The following PEX7 variants were observed in gnomAD, a reference collection of about 807,000 sequenced individuals.
PEX7 encodes the protein peroxisomal biogenesis factor 7, also known as PTS2 receptor.
Under a neutral mutation model 47.5 loss-of-function variants are expected in PEX7, and 34 were observed. That is an observed-to-expected ratio of 0.72 (90% CI 0.54 to 0.95). The LOEUF (loss-of-function observed/expected upper bound fraction) is 0.95, where lower values mean the gene tolerates loss of function less well. Ranked by LOEUF, PEX7 falls within the 40% of genes least tolerant of loss-of-function variation. The pLI is 0.00. For synonymous variants in PEX7, 141 were observed against 148.8 expected (o/e 0.95, Z 0.38); for missense variants, 394 against 400.3 (o/e 0.98, Z 0.13).
intron 8 of PEX7, among the ~76,000 whole-genome samples, chr6:136,879,463 C>G (rs1166641403): frequency 1.3e-5 from 2 of 152,040 alleles, no homozygotes; most frequent in Non-Finnish European, 2.9e-5. Flanking sequence ...ATCTTGCTTT[C>G]TATGTCGTTT....
rs574022111 is a variant in PEX7, at chr6:136,859,739, C to T, written c.527-6888C>T. Among the ~76,000 whole-genome samples, 160 of 152,164 alleles carry T rather than the reference C, an allele frequency of 1.1e-3. 1 individual carries two copies. Among genetic ancestry groups the T allele is most frequent in the Non-Finnish European group, 2.2e-4 (15 of 67,976 alleles). On this transcript the variant is annotated intron_variant, in intron 5 of 9. Transcript: ENST00000318471. Reference sequence around the variant, plus strand: ...TATTGTACATTTAAATTCACTGGTTCTGGCCAGGCACAGTGGCTCACATCT... The same window carrying T: ...TATTGTACATTTAAATTCACTGGTTTTGGCCAGGCACAGTGGCTCACATCT...
intron 8 of PEX7, among the ~76,000 whole-genome samples, chr6:136,887,591 T>C (rs1342314277): frequency 1.3e-5 from 2 of 152,010 alleles, no homozygotes; most frequent in Admixed American, 6.6e-5. Flanking sequence ...AGCAAAAATA[T>C]TCCTTCATAT....
chr6:136,844,772 C>T (rs1440323957), intron 3 of PEX7, among the ~76,000 whole-genome samples: 2 of 152,078 alleles, frequency 1.3e-5, no homozygotes, highest in African/African-American at 4.8e-5. Flanking sequence ...TTTCCTCAGC[C>T]TCCAACATGG....
At chr6:136,866,776 G>A in intron 6 of PEX7, 43 bp downstream of exon 6, 1 of 1,501,730 alleles carries the variant, frequency 6.7e-7, no homozygotes, top group Non-Finnish European at 9.3e-7. Context: ...CCTTCCTAAT[G>A]TTAAAATGTT....
chr6:136,859,839 A>G (rs1404281491), intron 5 of PEX7, among the ~76,000 whole-genome samples: 3 of 152,076 alleles, frequency 2.0e-5, no homozygotes. Context: ...CCTGACCAAC[A>G]TGGTGAGACC....
chr6:136,909,407 A>G (rs1168828363), intron 9 of PEX7, among the ~76,000 whole-genome samples: 1 of 152,164 alleles, frequency 6.6e-6, no homozygotes, highest in Non-Finnish European at 1.5e-5. Flanking sequence ...GCTTTTTATT[A>G]TGTGAGGGGC....
intron 3 of PEX7, 142 bp from the exon 4 acceptor site, chr6:136,845,473 C>T: frequency 2.8e-6 from 2 of 703,702 alleles, no homozygotes; most frequent in Non-Finnish European, 5.3e-6. Context: ...TCTCAGACAC[C>T]TTGTTGAGAT....
intron 5 of PEX7, among the ~76,000 whole-genome samples, chr6:136,850,975 T>C (rs1410384401): frequency 1.6e-5 from 2 of 125,570 alleles, no homozygotes; most frequent in African/African-American, 3.3e-5. Context: ...CTGTCTTTTT[T>C]TTTTATTTTT....
At chr6:136,864,133 A>G (rs1355929673) in intron 5 of PEX7, among the ~76,000 whole-genome samples, 7 of 152,104 alleles carry the variant, frequency 4.6e-5, no homozygotes, top group African/African-American at 1.4e-4. Context: ...GTATAGTACT[A>G]TACAATTACT....
intron 8 of PEX7, among the ~76,000 whole-genome samples, chr6:136,897,902 A>G (rs940899199): frequency 4.6e-5 from 7 of 152,028 alleles, no homozygotes; most frequent in Non-Finnish European, 8.8e-5. Flanking sequence ...TAATGGGAGT[A>G]GAATAATCTT....
Position 136,874,951 on chromosome 6 carries a change from C to A in PEX7, c.803+2698C>A, listed in dbSNP as rs565538855. Among the ~76,000 whole-genome samples, 61 of 152,036 alleles carry A rather than the reference C, an allele frequency of 4.0e-4. 1 individual carries two copies. In the South Asian group the frequency reaches 0.012, roughly 30 times the overall value. On this transcript the variant is annotated intron_variant, in intron 8 of 9. Coordinates refer to ENST00000318471, the MANE Select transcript of PEX7 (RefSeq NM_000288.4). ...GGTCAGGAGTTCAAGACCAGCCTGA[C>A]CAACATGGTGAAACCCCGTCTCTAC... is the stretch of plus-strand genomic sequence containing the variant.
At chr6:136,853,904 T>G (rs1774807387) in intron 5 of PEX7, among the ~76,000 whole-genome samples, 1 of 152,208 alleles carries the variant, frequency 6.6e-6, no homozygotes. Context: ...TATAAACTAT[T>G]ATTTTTTGAA....
At chr6:136,882,123 G>A (rs1282175672) in intron 8 of PEX7, among the ~76,000 whole-genome samples, 5 of 149,568 alleles carry the variant, frequency 3.3e-5, no homozygotes, top group African/African-American at 9.8e-5. Flanking sequence ...ATGAGAAGAC[G>A]TTCTTGAAAA....
At chr6:136,894,855 G>C (rs1158265909) in intron 8 of PEX7, among the ~76,000 whole-genome samples, 1 of 152,210 alleles carries the variant, frequency 6.6e-6, no homozygotes, top group Non-Finnish European at 1.5e-5. Flanking sequence ...AAGGCACCAA[G>C]TAGTATATAT....
chr6:136,823,118 G>A (rs997166574), intron 1 of PEX7: 6 of 985,328 alleles, frequency 6.1e-6, no homozygotes, highest in South Asian at 4.7e-5. Context: ...GGGAGAGCCG[G>A]GGGAGCCTGC....
In PEX7 at chr6:136,877,882, A is replaced by C. The variant is rs1005869111; in HGVS notation, c.803+5629A>C. On this transcript the variant is annotated intron_variant, in intron 8 of 9. Transcript: ENST00000318471. The stretch of plus-strand genomic sequence containing the variant: ...TGATGGGGATAGCATTGAATCTATA[A>C]ATTACTTTGGGTGGTATGGTCATTT... Among the ~76,000 whole-genome samples the C allele has an allele frequency of 4.6e-5, 7 of 152,130 alleles. No homozygotes were observed. In the East Asian group the frequency reaches 1.3e-3, roughly 29 times the overall value.
At chr6:136,823,531 C>A (rs1042825577) in intron 1 of PEX7, among the ~76,000 whole-genome samples, 13 of 152,108 alleles carry the variant, frequency 8.5e-5, no homozygotes, top group African/African-American at 2.7e-4. Context: ...CTGCCCCAGC[C>A]CAGTGAGCTG....
At chr6:136,868,580 A>G (rs547784976) in intron 6 of PEX7, among the ~76,000 whole-genome samples, 1 of 152,088 alleles carries the variant, frequency 6.6e-6, no homozygotes, top group Admixed American at 6.5e-5. Flanking sequence ...AAAGATGCTG[A>G]TAGACATTTG....
chr6:136,855,221 A>G lies in PEX7; in HGVS notation c.526+9040A>G, dbSNP rs377286716. Among the ~76,000 whole-genome samples, 30 of 152,330 alleles carry G rather than the reference A, an allele frequency of 2.0e-4. 1 individual carries two copies. Among genetic ancestry groups the G allele is most frequent in the Admixed American group, 9.1e-4 (14 of 15,304 alleles). On this transcript the variant is annotated intron_variant, in intron 5 of 9. Coordinates refer to ENST00000318471, the MANE Select transcript of PEX7 (RefSeq NM_000288.4). The stretch of plus-strand genomic sequence containing the variant: ...GAATATAATTTTGTATATTTGGAAA[A>G]GTATTAGTAAGTACAATTCCTTGAA...
Sources: allele counts gnomAD v4.1 joint callset (sites outside exome capture counted in the v4.1 genomes callset), GRCh38; gene constraint gnomAD v4.1.1; transcripts MANE v1.5; gene names NCBI Gene and HGNC (gene_info 2026-07-23, HGNC 2026-07-21).